LRMDA: variants seen among roughly 807,000 people sequenced by gnomAD.
LRMDA encodes the protein leucine rich melanocyte differentiation associated, also known as leucine-rich melanocyte differentiation-associated protein.
A neutral mutation model predicts 29.8 loss-of-function variants in LRMDA; 18 were observed. The observed-to-expected ratio is 0.60, with a 90% confidence interval of 0.42 to 0.90. The LOEUF is 0.90. Ranked by LOEUF, LRMDA falls within the 40% of genes least tolerant of loss-of-function variation. LRMDA has a pLI of 0.00. For synonymous variants in LRMDA, 125 were observed against 109.4 expected (o/e 1.14, Z -0.89); for missense variants, 273 against 273.9 (o/e 1.00, Z 0.02).
At chr10:75,772,573 G>A (rs1843255147) in intron 2 of LRMDA, among the ~76,000 whole-genome samples, 1 of 152,128 alleles carries the variant, frequency 6.6e-6, no homozygotes, top group Non-Finnish European at 1.5e-5. Context: ...GTGGGAACCG[G>A]TCAATTCGCT....
intron 2 of LRMDA, among the ~76,000 whole-genome samples, chr10:75,721,664 C>G (rs1262315337): frequency 6.6e-6 from 1 of 152,168 alleles, no homozygotes; most frequent in African/African-American, 2.4e-5. Context: ...TTCCATTATG[C>G]ACAAAGGTCC....
chr10:75,960,816 C>G (rs965925424), intron 2 of LRMDA, among the ~76,000 whole-genome samples: 1 of 152,024 alleles, frequency 6.6e-6, no homozygotes, highest in African/African-American at 2.4e-5. Context: ...TGGGTTTCAC[C>G]GTGTTAGCCA....
chr10:76,176,245 C>T (rs959898049), intron 5 of LRMDA, among the ~76,000 whole-genome samples: 4 of 152,134 alleles, frequency 2.6e-5, no homozygotes, highest in Non-Finnish European at 5.9e-5. Flanking sequence ...ACCAGCTTGG[C>T]ATCCGGCGTC....
chr10:75,922,100 C>T (rs1231231798), intron 2 of LRMDA, among the ~76,000 whole-genome samples: 1 of 152,170 alleles, frequency 6.6e-6, no homozygotes, highest in African/African-American at 2.4e-5. Flanking sequence ...GTTTCCTGCC[C>T]ATCCTGGTGG....
At chr10:76,537,035 T>C (rs1317297019) in intron 6 of LRMDA, among the ~76,000 whole-genome samples, 10 of 152,244 alleles carry the variant, frequency 6.6e-5, no homozygotes, top group African/African-American at 2.2e-4. Flanking sequence ...AATATTATGA[T>C]GGACTCATAC....
chr10:76,097,529 A>G (rs2132098458), intron 5 of LRMDA, among the ~76,000 whole-genome samples: 1 of 152,346 alleles, frequency 6.6e-6, no homozygotes, highest in East Asian at 1.9e-4. Flanking sequence ...AGGCTATCAC[A>G]ACTAAGTATG....
In LRMDA at chr10:76,288,224, C is replaced by T. The variant is rs921664462; in HGVS notation, c.517-36177C>T. Among the ~76,000 whole-genome samples the T allele has an allele frequency of 5.9e-5, 9 of 152,104 alleles. No individual in the cohort carries two copies. The East Asian group carries it at 7.7e-4, about 13-fold the overall frequency. On this transcript the variant is annotated intron_variant, in intron 5 of 6. Coordinates refer to ENST00000611255, the MANE Select transcript of LRMDA (RefSeq NM_001305581.2). ...AGTTCAGCCATTGTTGAAAGCAGTT[C>T]GGCAATTTCTGAAAAAACTTAAAAC...
At chr10:75,471,610 C>G (rs1367490155) in intron 2 of LRMDA, among the ~76,000 whole-genome samples, 1 of 152,156 alleles carries the variant, frequency 6.6e-6, no homozygotes, top group African/African-American at 2.4e-5. Context: ...GTTTTGAGTT[C>G]TGTTGTTTTT....
intron 2 of LRMDA, among the ~76,000 whole-genome samples, chr10:75,648,586 A>G (rs1841558859): frequency 6.6e-6 from 1 of 152,132 alleles, no homozygotes; most frequent in Non-Finnish European, 1.5e-5. Flanking sequence ...CAGTCTCATT[A>G]TCTGGCCATC....
chr10:75,620,637 C>A (rs975838478), intron 2 of LRMDA, among the ~76,000 whole-genome samples: 2 of 152,188 alleles, frequency 1.3e-5, no homozygotes, highest in Non-Finnish European at 2.9e-5. Context: ...TGACTTGTCA[C>A]ACTCCATCAC....
chr10:76,307,143 A>T (rs961261798), intron 5 of LRMDA, among the ~76,000 whole-genome samples: 2 of 152,090 alleles, frequency 1.3e-5, no homozygotes, highest in Non-Finnish European at 2.9e-5. Context: ...ATGTTGCTCT[A>T]TTTAGATGCC....
chr10:75,531,910 T>A (rs923834206), intron 2 of LRMDA, among the ~76,000 whole-genome samples: 43 of 149,824 alleles, frequency 2.9e-4, no homozygotes, highest in African/African-American at 1.2e-4. Flanking sequence ...AAAAAAAAAA[T>A]TGGTGTGCAC....
intron 6 of LRMDA, among the ~76,000 whole-genome samples, chr10:76,457,946 C>A (rs970325013): frequency 1.3e-5 from 2 of 152,066 alleles, no homozygotes; most frequent in East Asian, 3.9e-4. Context: ...ATATTCTAGA[C>A]TTAATATGCC....
chr10:76,461,170 T>C (rs1367509801), intron 6 of LRMDA, among the ~76,000 whole-genome samples: 1 of 152,108 alleles, frequency 6.6e-6, no homozygotes, highest in African/African-American at 2.4e-5. Context: ...ATGGGAGTGC[T>C]CTTGGGTTAT....
intron 2 of LRMDA, among the ~76,000 whole-genome samples, chr10:75,689,889 A>G (rs866658366): frequency 1.3e-5 from 2 of 152,094 alleles, no homozygotes; most frequent in African/African-American, 4.8e-5. Context: ...AGTTCCCCAC[A>G]TGCATGTGTG....
chr10:75,506,450 A>G (rs889122251), intron 2 of LRMDA, among the ~76,000 whole-genome samples: 10 of 147,882 alleles, frequency 6.8e-5, no homozygotes, highest in Admixed American at 6.9e-5. Flanking sequence ...TAAAAAATCA[A>G]TCATTCATTT....
chr10:76,049,622 AGCAGATCCGCTTTGTC>A (rs1564639131), intron 4 of LRMDA, among the ~76,000 whole-genome samples: 3 of 152,228 alleles, frequency 2.0e-5, no homozygotes, highest in African/African-American at 7.2e-5. Context: ...ATGGTCTGTA[AGCAGATCCGCTTTGTC>A]CTTCCTCGAG....
chr10:75,630,787 C>T (rs1009168199), intron 2 of LRMDA, among the ~76,000 whole-genome samples: 2 of 152,190 alleles, frequency 1.3e-5, no homozygotes, highest in African/African-American at 4.8e-5. Flanking sequence ...CACATTTAAC[C>T]ATCCCTTTCC....
At chr10:75,820,378 A>G (rs1237349194) in intron 2 of LRMDA, among the ~76,000 whole-genome samples, 1 of 152,236 alleles carries the variant, frequency 6.6e-6, no homozygotes, top group Non-Finnish European at 1.5e-5. Context: ...AAACATATGG[A>G]AATTAAATAA....
Sources: gnomAD v4.1 joint callset for allele counts (sites outside exome capture counted in the v4.1 genomes callset) on GRCh38, gnomAD v4.1.1 for gene constraint, MANE v1.5 for transcripts, NCBI Gene and HGNC (gene_info 2026-07-23, HGNC 2026-07-21) for gene names.